AKT3: variants seen among roughly 807,000 people sequenced by gnomAD.
The protein encoded by AKT3 is AKT serine/threonine kinase 3.
Under a neutral mutation model 65.3 loss-of-function variants are expected in AKT3, and 15 were observed. The ratio of observed to expected loss-of-function variants is 0.23; its 90% CI spans 0.15 to 0.35. AKT3 has a LOEUF of 0.35. Ranked by LOEUF, AKT3 falls within the 10% of genes least tolerant of loss-of-function variation. The probability of loss-of-function intolerance (pLI) is 1.00; values close to 1 mark genes in which losing one functional copy is unlikely to be tolerated. For synonymous variants in AKT3, 206 were observed against 183.8 expected, an observed-to-expected ratio of 1.12 and a Z score of -0.98; for missense variants, 243 against 576.5, an observed-to-expected ratio of 0.42 and a Z score of 5.92.
chr1:243,707,347 T>G (rs1257747800), intron 2 of AKT3, among the ~76,000 whole-genome samples: 1 of 152,232 alleles, frequency 6.6e-6, no homozygotes, highest in Admixed American at 6.5e-5. Context: ...TTCACTTTGC[T>G]TATGTCCTGT....
At chr1:243,662,289 A>T (rs1466601277) in intron 4 of AKT3, among the ~76,000 whole-genome samples, 4 of 152,084 alleles carry the variant, frequency 2.6e-5, no homozygotes, top group Non-Finnish European at 5.9e-5. Context: ...CACAATAGCA[A>T]AGACTTGGAA....
chr1:243,795,462 GTTTTTTTT>G (rs1233986150), intron 2 of AKT3, among the ~76,000 whole-genome samples: 1 of 105,400 alleles, frequency 9.5e-6, no homozygotes, highest in Non-Finnish European at 1.9e-5. Flanking sequence ...TTTTTTTTTT[GTTTTTTTT>G]TTTTGGTTTT....
At chr1:243,839,879 A>T (rs1002269381) in intron 2 of AKT3, among the ~76,000 whole-genome samples, 2 of 151,794 alleles carry the variant, frequency 1.3e-5, no homozygotes, top group African/African-American at 4.8e-5. Context: ...AAAAAAAAAA[A>T]AAACAGAAAA....
At chr1:243,850,535 C>A (rs1000740697), upstream of AKT3, among the ~76,000 whole-genome samples, 1 of 151,280 alleles carries the variant, frequency 6.6e-6, no homozygotes, top group Non-Finnish European at 1.5e-5. Context: ...GCTGAGGGGA[C>A]CCCCCGCCGC....
At chr1:243,768,328 T>C (rs773518487) in intron 2 of AKT3, among the ~76,000 whole-genome samples, 9 of 152,156 alleles carry the variant, frequency 5.9e-5, no homozygotes, top group Non-Finnish European at 1.3e-4. Context: ...TTAACTGATA[T>C]ATTCTTACAT....
At chr1:243,711,097 G>C (rs1471950825) in intron 2 of AKT3, among the ~76,000 whole-genome samples, 1 of 152,178 alleles carries the variant, frequency 6.6e-6, no homozygotes, top group African/African-American at 2.4e-5. Context: ...AAGGCGGGTG[G>C]TTCACAAGGT....
intron 2 of AKT3, among the ~76,000 whole-genome samples, chr1:243,771,467 A>C (rs145421374): frequency 1.1e-3 from 168 of 152,282 alleles, no homozygotes; most frequent in African/African-American, 3.9e-3. Context: ...ATCTATTCTA[A>C]AGTGTTGATA....
intron 2 of AKT3, among the ~76,000 whole-genome samples, chr1:243,749,549 T>C (rs1309958114): frequency 2.0e-5 from 3 of 152,178 alleles, no homozygotes; most frequent in African/African-American, 7.2e-5. Context: ...ACATTCTAGT[T>C]TTCAAGAACT....
At chr1:243,677,375 A>T (rs1443236069) in intron 3 of AKT3, among the ~76,000 whole-genome samples, 1 of 152,166 alleles carries the variant, frequency 6.6e-6, no homozygotes, top group Non-Finnish European at 1.5e-5. Context: ...GGAATTTGGA[A>T]TACTTCTCAT....
At chr1:243,758,470 T>A (rs1689281433) in intron 2 of AKT3, among the ~76,000 whole-genome samples, 1 of 152,104 alleles carries the variant, frequency 6.6e-6, no homozygotes, top group Admixed American at 6.5e-5. Context: ...AAAGCTGCAA[T>A]AAGAGCATGA....
chr1:243,772,016 T>C (rs1439615254), intron 2 of AKT3, among the ~76,000 whole-genome samples: 1 of 152,204 alleles, frequency 6.6e-6, no homozygotes, highest in Non-Finnish European at 1.5e-5. Context: ...ATCCATTCCT[T>C]ACAACTCATA....
rs186301458 is a variant in AKT3 at position 243,700,798 on chromosome 1, G to A, written c.47-5082C>T. Among the ~76,000 whole-genome samples the A allele has an allele frequency of 7.2e-4, 110 of 152,168 alleles. 1 individual carries two copies. Among genetic ancestry groups the A allele is most frequent in the South Asian group, 2.5e-3 (12 of 4,828 alleles). ...ATTACAGGCGTGAGCCACTGCGCCC[G>A]GCCAGGCTTAGTCTTTAATAACAAC... On this transcript the variant is annotated intron_variant, in intron 2 of 13. Coordinates refer to ENST00000673466, the MANE Select transcript of AKT3 (RefSeq NM_005465.7).
intron 2 of AKT3, among the ~76,000 whole-genome samples, chr1:243,731,976 T>C (rs557772330): frequency 6.6e-6 from 1 of 152,232 alleles, no homozygotes; most frequent in Non-Finnish European, 1.5e-5. Flanking sequence ...ATTTGTGTCA[T>C]ATTCACATGC....
chr1:243,742,293 T>G (rs1688210206), intron 2 of AKT3, among the ~76,000 whole-genome samples: 1 of 152,176 alleles, frequency 6.6e-6, no homozygotes, highest in Admixed American at 6.5e-5. Flanking sequence ...TAAAATCATT[T>G]TAATGTTATA....
intron 2 of AKT3, chr1:243,808,037 A>G (rs1438905022): frequency 6.6e-6 from 1 of 152,244 alleles, no homozygotes; most frequent in Non-Finnish European, 1.5e-5. Context: ...TCTGTACGTC[A>G]CCATCATCAA....
intron 13 of AKT3, among the ~76,000 whole-genome samples, chr1:243,508,356 G>A (rs925699587): frequency 2.6e-5 from 4 of 152,246 alleles, no homozygotes; most frequent in African/African-American, 9.6e-5. Context: ...AGTGCTGAGC[G>A]CTGCGCTCTG....
intron 2 of AKT3, among the ~76,000 whole-genome samples, chr1:243,725,075 T>A (rs1687127916): frequency 6.6e-6 from 1 of 151,466 alleles, no homozygotes; most frequent in African/African-American, 2.4e-5. Context: ...CCTGGCATGA[T>A]GATGCATGCC....
At chr1:243,489,362 C>T (rs1229652113) in intron 13 of AKT3, among the ~76,000 whole-genome samples, 1 of 152,202 alleles carries the variant, frequency 6.6e-6, no homozygotes, top group African/African-American at 2.4e-5. Flanking sequence ...GTGAACAGAC[C>T]CCGGCCCGCG....
intron 6 of AKT3, among the ~76,000 whole-genome samples, chr1:243,635,053 G>C (rs1392292144): frequency 1.3e-5 from 2 of 151,910 alleles, no homozygotes; most frequent in Non-Finnish European, 2.9e-5. Flanking sequence ...CGTTCTCCAG[G>C]ATAGATCATA....
Sources: gnomAD v4.1 joint callset for allele counts (sites outside exome capture counted in the v4.1 genomes callset) on GRCh38, gnomAD v4.1.1 for gene constraint, MANE v1.5 for transcripts, NCBI Gene and HGNC (gene_info 2026-07-23, HGNC 2026-07-21) for gene names.